Variants in DCN observed in about 807,000 individuals in gnomAD.
DCN encodes the protein bone proteoglycan II.
In DCN, 17 loss-of-function variants were observed where a neutral mutation model predicts 36.5. The observed-to-expected ratio is 0.47, with a 90% CI of 0.32 to 0.70. The LOEUF (loss-of-function observed/expected upper bound fraction) is 0.70. DCN is among the 30% of genes least tolerant of loss of function. DCN has a pLI of 0.04. For missense variants in DCN, 389 were observed against 430.1 expected, an observed-to-expected ratio of 0.90 and a Z score of 0.84; for synonymous variants, 163 against 161.4, an observed-to-expected ratio of 1.01 and a Z score of -0.07.
intron 7 of DCN, chr12:91,151,426 T>G (rs1330191423): frequency 1.1e-5 from 6 of 523,604 alleles, no homozygotes; most frequent in Non-Finnish European, 1.7e-5. Context: ...CAGAAGACTT[T>G]AAGTTTCATC....
At chr12:91,181,230 G>T (rs1868385555) in intron 1 of DCN, among the ~76,000 whole-genome samples, 1 of 151,686 alleles carries the variant, frequency 6.6e-6, no homozygotes, top group Admixed American at 6.6e-5. Context: ...ATTTAACCCT[G>T]ACTGTACTGT....
At chr12:91,181,026 G>A (rs943582592) in intron 1 of DCN, 2 of 152,080 alleles carry the variant, frequency 1.3e-5, no homozygotes, top group Non-Finnish European at 2.9e-5. Flanking sequence ...GTTTACTCCT[G>A]TTAAAATGGT....
intron 3 of DCN, 119 bp downstream of exon 3, chr12:91,164,486 T>A (rs914136414): frequency 3.2e-5 from 16 of 493,478 alleles, no homozygotes; most frequent in Non-Finnish European, 5.4e-5. Flanking sequence ...AAAGGTGAAG[T>A]TAATAAACAC....
intron 5 of DCN, among the ~76,000 whole-genome samples, chr12:91,156,695 C>CA (rs546905550): frequency 7.0e-6 from 1 of 142,456 alleles, no homozygotes; most frequent in Admixed American, 7.0e-5. Flanking sequence ...TCCCATATAT[C>CA]TTTTTTTTTT....
chr12:91,168,539 G>A (rs1370587685), intron 2 of DCN, among the ~76,000 whole-genome samples: 1 of 152,132 alleles, frequency 6.6e-6, no homozygotes, highest in African/African-American at 2.4e-5. Flanking sequence ...AAAACAAGAA[G>A]TGCCTTTCTG....
chr12:91,152,736 A>T (rs491237), intron 6 of DCN, among the ~76,000 whole-genome samples: 4,451 of 152,244 alleles, frequency 0.029, 228 homozygotes, highest in African/African-American at 0.1. Flanking sequence ...ATGGATTTTC[A>T]AATTCTAGCA....
chr12:91,167,573 A>G (rs1356707125), intron 2 of DCN, among the ~76,000 whole-genome samples: 1 of 152,140 alleles, frequency 6.6e-6, no homozygotes, highest in African/African-American at 2.4e-5. Context: ...TCTTTAAAAA[A>G]TGATTATGAT....
chr12:91,158,852 C>T (rs1378550653), intron 3 of DCN, among the ~76,000 whole-genome samples: 1 of 151,760 alleles, frequency 6.6e-6, no homozygotes, highest in East Asian at 1.9e-4. Flanking sequence ...GTCCCGGCTA[C>T]TTGGGAGGCT....
chr12:91,162,625 T>TATTC (rs1309356899), intron 3 of DCN, among the ~76,000 whole-genome samples: 1 of 152,210 alleles, frequency 6.6e-6, no homozygotes, highest in Non-Finnish European at 1.5e-5. Context: ...ATTAAGAATG[T>TATTC]ATTCCTATGA....
chr12:91,172,591 A>G (rs1417787028), intron 2 of DCN: 3 of 475,638 alleles, frequency 6.3e-6, no homozygotes, highest in Admixed American at 7.6e-5. Flanking sequence ...GGAATTTCTA[A>G]GCTTCCTGGT....
At chr12:91,163,880 A>T (rs1031696896) in intron 3 of DCN, among the ~76,000 whole-genome samples, 1 of 152,092 alleles carries the variant, frequency 6.6e-6, no homozygotes, top group African/African-American at 2.4e-5. Context: ...GAAATAAAAT[A>T]ATACTAGGAT....
At chr12:91,182,512 T>C (rs1868443855) in intron 1 of DCN, 143 bp downstream of exon 1, 1 of 152,116 alleles carries the variant, frequency 6.6e-6, no homozygotes, top group Non-Finnish European at 1.5e-5. Flanking sequence ...AATACTTGTT[T>C]AAAATGTTGC....
intron 3 of DCN, 116 bp downstream of exon 3, chr12:91,164,489 A>G (rs1882404782): frequency 7.8e-6 from 4 of 515,714 alleles, no homozygotes; most frequent in Admixed American, 3.4e-5. Context: ...GGTGAAGTTA[A>G]TAAACACTAA....
intron 1 of DCN, chr12:91,179,287 T>A (rs181349762): frequency 1.3e-5 from 2 of 152,624 alleles, no homozygotes; most frequent in East Asian, 3.9e-4. Flanking sequence ...GCCACATTCC[T>A]TTTCATTGTC....
Position 91,151,649 on chromosome 12 carries a change from A to G in DCN, c.885+5T>C, listed in dbSNP as rs753558430. On this transcript the variant is annotated splice_donor_5th_base_variant and intron_variant, in intron 7 of 7. Coordinates refer to ENST00000052754, the MANE Select transcript of DCN (RefSeq NM_001920.5). ...TTCCTCACATAAGCAGTGGCTTTGC[A>G]TTACCTGGATGTACTTATGCTCTGC... 1.1e-5 allele frequency: 18 copies of G among 1,613,862 alleles called. No homozygotes were observed. The highest frequency in any genetic ancestry group is 1.7e-5 in the Admixed American group (1 of 59,990).
intron 2 of DCN, among the ~76,000 whole-genome samples, chr12:91,165,349 A>C (rs1882487418): frequency 6.6e-6 from 1 of 152,216 alleles, no homozygotes; most frequent in South Asian, 2.1e-4. Flanking sequence ...AGAATGAAAT[A>C]AATTGGGTAG....
At chr12:91,180,487 G>C (rs931850859) in intron 1 of DCN, 1 of 152,148 alleles carries the variant, frequency 6.6e-6, no homozygotes, top group Admixed American at 6.5e-5. Flanking sequence ...AGATTCTCTA[G>C]AGAAGAAACA....
rs139894429 is a variant in DCN, at chr12:91,176,613, T to C, written c.211+1729A>G. 3 of 152,246 alleles carry C rather than the reference T, an allele frequency of 2.0e-5. No individual in the cohort carries two copies. The East Asian group carries it at 5.8e-4, about 29-fold the overall frequency. 9.4% of individuals were successfully genotyped at this position (152,246 alleles called of 1,614,324 possible). A position where few individuals can be genotyped will look rare whatever the true frequency, so the allele number is the denominator to read the frequency against. ...TTCATCAGGGTCAAGGTTTATGAGC[T>C]ATTTTTTCATGGAAGCAAAGGCAAA... On this transcript the variant is annotated intron_variant, in intron 2 of 7. Coordinates refer to ENST00000052754, the MANE Select transcript of DCN (RefSeq NM_001920.5).
At chr12:91,169,378 C>CAAA (rs58056993) in intron 2 of DCN, among the ~76,000 whole-genome samples, 86 of 73,374 alleles carry the variant, frequency 1.2e-3, no homozygotes, top group African/African-American at 4.4e-3. Context: ...GAGATCCTGT[C>CAAA]AAAAAAAAAA....
Sources: allele counts gnomAD v4.1 joint callset (sites outside exome capture counted in the v4.1 genomes callset), GRCh38; gene constraint gnomAD v4.1.1; transcripts MANE v1.5; gene names NCBI Gene and HGNC (gene_info 2026-07-23, HGNC 2026-07-21).